GRID2: variants seen among roughly 807,000 people sequenced by gnomAD.
GRID2 encodes the protein glutamate receptor ionotropic, delta-2.
A neutral mutation model predicts 114.8 loss-of-function variants in GRID2; 33 were observed. The ratio of observed to expected loss-of-function variants is 0.29; its 90% confidence interval spans 0.22 to 0.38. The LOEUF is 0.38. Among genes scored for constraint, GRID2 ranks in the 10% least tolerant of loss-of-function variants. The pLI, the probability that GRID2 is intolerant of heterozygous loss-of-function variation, is 1.00. For synonymous variants in GRID2, 505 were observed against 449.9 expected, an observed-to-expected ratio of 1.12 and a Z score of -1.55; for missense variants, 1,184 against 1,257.7, an observed-to-expected ratio of 0.94 and a Z score of 0.89.
At chr4:92,891,094 C>T (rs1034650823) in intron 2 of GRID2, among the ~76,000 whole-genome samples, 1 of 152,000 alleles carries the variant, frequency 6.6e-6, no homozygotes, top group Non-Finnish European at 1.5e-5. Context: ...AGGGGAACAT[C>T]ACACACCAGG....
Position 92,325,905 on chromosome 4 carries a change from T to G in GRID2, c.88+21161T>G, listed in dbSNP as rs1302534726. ...CTTAATTTCTTAATTTCTTTTAACT[T>G]TATTTAAACAATTATCCACATTCCC... is the stretch of plus-strand genomic sequence containing the variant. On this transcript the variant is annotated intron_variant, in intron 1 of 15. Coordinates refer to ENST00000282020, the MANE Select transcript of GRID2 (RefSeq NM_001510.4). 2.6e-5 allele frequency among the ~76,000 whole-genome samples: 4 copies of G among 151,866 alleles called. No individual in the cohort carries two copies. In the East Asian group the frequency reaches 7.7e-4, roughly 29 times the overall value.
At chr4:92,735,672 TC>T (rs1208798242) in intron 2 of GRID2, among the ~76,000 whole-genome samples, 1 of 152,174 alleles carries the variant, frequency 6.6e-6, no homozygotes, top group Non-Finnish European at 1.5e-5. Context: ...ACTCAGACTC[TC>T]TTGAACTTCT....
At chr4:92,828,884 G>C (rs1425059498) in intron 2 of GRID2, among the ~76,000 whole-genome samples, 1 of 151,076 alleles carries the variant, frequency 6.6e-6, no homozygotes, top group East Asian at 2.0e-4. Context: ...TTGTAAATTT[G>C]TTTAAGTTCC....
intron 14 of GRID2, among the ~76,000 whole-genome samples, chr4:93,636,961 T>C (rs1207531504): frequency 6.6e-6 from 1 of 152,126 alleles, no homozygotes; most frequent in Non-Finnish European, 1.5e-5. Flanking sequence ...AAAAGTCAGT[T>C]TTTATCCCTA....
At chr4:92,447,998 T>C (rs1297421377) in intron 1 of GRID2, among the ~76,000 whole-genome samples, 1 of 152,230 alleles carries the variant, frequency 6.6e-6, no homozygotes, top group Non-Finnish European at 1.5e-5. Context: ...ATATCACTTA[T>C]GTTGAAAACT....
chr4:93,594,207 T>TG (rs540171159), intron 13 of GRID2, among the ~76,000 whole-genome samples: 59,397 of 151,260 alleles, frequency 0.39, 12,389 homozygotes, highest in African/African-American at 0.5. Context: ...TGGTCTTTGG[T>TG]ATGGTGATGT....
At chr4:93,680,032 A>G (rs1240179547) in intron 14 of GRID2, among the ~76,000 whole-genome samples, 2 of 151,210 alleles carry the variant, frequency 1.3e-5, no homozygotes, top group African/African-American at 2.5e-5. Flanking sequence ...GACCGCTAGC[A>G]AGACTAATAA....
intron 1 of GRID2, among the ~76,000 whole-genome samples, chr4:92,556,154 C>G (rs563119998): frequency 1.7e-4 from 26 of 152,164 alleles, no homozygotes; most frequent in African/African-American, 5.8e-4. Flanking sequence ...ACAACTTGAA[C>G]AGAACTTCCT....
chr4:93,271,504 T>C (rs1220429578), intron 8 of GRID2, among the ~76,000 whole-genome samples: 1 of 152,054 alleles, frequency 6.6e-6, no homozygotes. Flanking sequence ...TCAACTATAT[T>C]TTCCCAGCTG....
chr4:93,744,796 T>C (rs1294412266), intron 14 of GRID2, among the ~76,000 whole-genome samples: 1 of 152,176 alleles, frequency 6.6e-6, no homozygotes, highest in African/African-American at 2.4e-5. Flanking sequence ...AGAAATCTTT[T>C]GTGAAAGGAA....
chr4:93,402,043 G>A (rs1161492206), intron 9 of GRID2, among the ~76,000 whole-genome samples: 1 of 151,700 alleles, frequency 6.6e-6, no homozygotes, highest in Non-Finnish European at 1.5e-5. Context: ...TCAGCATGAA[G>A]TAAAGCAATG....
chr4:93,394,093 A>C (rs979550711), intron 8 of GRID2, among the ~76,000 whole-genome samples: 1 of 152,020 alleles, frequency 6.6e-6, no homozygotes, highest in Non-Finnish European at 1.5e-5. Flanking sequence ...GAAAAAGCAC[A>C]CATCAGGGAA....
At chr4:93,515,016 A>G (rs1414006955) in intron 12 of GRID2, among the ~76,000 whole-genome samples, 200 bp from the exon 13 acceptor site, 1 of 152,164 alleles carries the variant, frequency 6.6e-6, no homozygotes, top group East Asian at 1.9e-4. Context: ...TTGTGTTCTC[A>G]TAATTTGTAT....
chr4:92,348,226 A>G (rs1727879116), intron 1 of GRID2, among the ~76,000 whole-genome samples: 4 of 152,194 alleles, frequency 2.6e-5, no homozygotes, highest in South Asian at 4.1e-4. Flanking sequence ...CTGGTCTCCC[A>G]AAGTGTAGGG....
chr4:93,100,559 C>T (rs1731607482), intron 3 of GRID2, among the ~76,000 whole-genome samples: 1 of 151,906 alleles, frequency 6.6e-6, no homozygotes, highest in Non-Finnish European at 1.5e-5. Context: ...TGATGTATCT[C>T]ATATATCCAG....
chr4:93,426,163 A>G (rs1163631488), intron 10 of GRID2, among the ~76,000 whole-genome samples: 1 of 152,202 alleles, frequency 6.6e-6, no homozygotes, highest in Non-Finnish European at 1.5e-5. Context: ...ATAAAATCCT[A>G]ATGAATTTGG....
At chr4:92,370,980 T>C (rs1156394747) in intron 1 of GRID2, among the ~76,000 whole-genome samples, 2 of 152,158 alleles carry the variant, frequency 1.3e-5, no homozygotes, top group Non-Finnish European at 2.9e-5. Context: ...ACTGCTGATA[T>C]GAGGAAAGTT....
intron 1 of GRID2, among the ~76,000 whole-genome samples, chr4:92,376,845 C>A (rs1194659013): frequency 6.6e-6 from 1 of 152,112 alleles, no homozygotes; most frequent in Non-Finnish European, 1.5e-5. Context: ...CCCCTTTCAG[C>A]CAAGGATGGA....
chr4:92,582,876 A>G (rs1728249069), intron 1 of GRID2, among the ~76,000 whole-genome samples: 1 of 151,832 alleles, frequency 6.6e-6, no homozygotes, highest in Non-Finnish European at 1.5e-5. Context: ...AGTTCCAACT[A>G]CTCAGGGAGC....
Sources: allele counts gnomAD v4.1 joint callset (sites outside exome capture counted in the v4.1 genomes callset), GRCh38; gene constraint gnomAD v4.1.1; transcripts MANE v1.5; gene names NCBI Gene and HGNC (gene_info 2026-07-23, HGNC 2026-07-21).